TRIM5: variants seen among roughly 807,000 people sequenced by gnomAD.
The protein encoded by TRIM5 is tripartite motif-containing protein 5.
A neutral mutation model predicts 35.6 loss-of-function variants in TRIM5; 31 were observed. That is an observed-to-expected ratio of 0.87 (90% CI 0.65 to 1.18). The LOEUF is 1.18. Ranked by LOEUF, TRIM5 falls within the 50% of genes most tolerant of loss-of-function variation. The probability of loss-of-function intolerance (pLI) is 0.00; values close to 1 mark genes in which losing one functional copy is unlikely to be tolerated. For synonymous variants in TRIM5, 243 were observed against 215.6 expected (o/e 1.13, Z -1.11); for missense variants, 609 against 591.6 (o/e 1.03, Z -0.31).
the TRIM5 span, chr11:5,596,298 G>A: frequency 6.5e-6 from 1 of 154,444 alleles, no homozygotes; most frequent in African/African-American, 2.4e-5. Flanking sequence ...GAATGAGGGA[G>A]ACTTCTGCAT....
At chr11:5,610,775 A>C in the TRIM5 span, 6 of 1,613,772 alleles carry the variant, frequency 3.7e-6, no homozygotes, top group Non-Finnish European at 5.1e-6. Context: ...CTTTTCCTAC[A>C]GTTGACGTGA....
At chr11:5,604,741 A>G in the TRIM5 span, 1 of 1,174,606 alleles carries the variant, frequency 8.5e-7, no homozygotes, top group Non-Finnish European at 1.2e-6. Context: ...TGACTAGAAG[A>G]GCTTCCCTTT....
At chr11:5,636,306 G>C in the TRIM5 span, among the ~76,000 whole-genome samples, 1 of 152,170 alleles carries the variant, frequency 6.6e-6, no homozygotes, top group African/African-American at 2.4e-5. Context: ...TTATATGAAA[G>C]TCTGTAAGTA....
chr11:5,634,530 C>CACACACATATATATATATATATATAT, the TRIM5 span: 5 of 203,884 alleles, frequency 2.5e-5, no homozygotes, highest in African/African-American at 1.4e-4. Flanking sequence ...CACACACACA[C>CACACACATATATATATATATATATAT]ATATATATAT....
intron 4 of TRIM5, among the ~76,000 whole-genome samples, chr11:5,675,397 G>T (rs1851877281): frequency 6.6e-6 from 1 of 152,164 alleles, no homozygotes; most frequent in African/African-American, 2.4e-5. Flanking sequence ...TAGAGCCTGA[G>T]ACAAGGACCT....
the TRIM5 span, chr11:5,634,520 C>CATATATATATATATATATATAT: frequency 1.6e-6 from 1 of 636,238 alleles, no homozygotes; most frequent in Non-Finnish European, 2.4e-6. Flanking sequence ...CACACACACA[C>CATATATATATATATATATATAT]ACACACACAC....
chr11:5,622,983 G>A, the TRIM5 span, among the ~76,000 whole-genome samples: 4 of 152,196 alleles, frequency 2.6e-5, no homozygotes, highest in African/African-American at 9.6e-5. Flanking sequence ...TCCGGAAGGG[G>A]GTTTCCAGGT....
chr11:5,654,636 G>A, the TRIM5 span, among the ~76,000 whole-genome samples: 3 of 152,152 alleles, frequency 2.0e-5, no homozygotes, highest in African/African-American at 7.2e-5. Flanking sequence ...GTGAGTGTGG[G>A]TTTGTACCAA....
At chr11:5,610,819 T>C in the TRIM5 span, 1 of 1,614,072 alleles carries the variant, frequency 6.2e-7, no homozygotes, top group Non-Finnish European at 8.5e-7. Flanking sequence ...TTAAATCTTG[T>C]CCTGGCTAAA....
At chr11:5,601,698 C>T in the TRIM5 span, among the ~76,000 whole-genome samples, 2 of 152,132 alleles carry the variant, frequency 1.3e-5, no homozygotes, top group East Asian at 3.9e-4. Context: ...GCAGAGGTTG[C>T]AGTGAGCCGA....
At chr11:5,660,814 G>A (rs141356329), downstream of TRIM5, among the ~76,000 whole-genome samples, 338 of 151,782 alleles carry the variant, frequency 2.2e-3, no homozygotes, top group Middle Eastern at 0.01. Flanking sequence ...AGGCCGAGGC[G>A]GGCGGATCTT....
At chr11:5,609,750 A>G in the TRIM5 span, among the ~76,000 whole-genome samples, 5 of 152,046 alleles carry the variant, frequency 3.3e-5, no homozygotes, top group Admixed American at 6.6e-5. Flanking sequence ...ATGAAACCCT[A>G]TCTCTACTAA....
the TRIM5 span, chr11:5,596,906 G>A: frequency 6.2e-7 from 1 of 1,614,048 alleles, no homozygotes; most frequent in African/African-American, 1.3e-5. Context: ...AGATGTGCGG[G>A]TCAGAGAGGT....
the TRIM5 span, among the ~76,000 whole-genome samples, chr11:5,630,298 C>T: frequency 6.6e-6 from 1 of 151,942 alleles, no homozygotes; most frequent in Non-Finnish European, 1.5e-5. Flanking sequence ...ACCTTTTTTT[C>T]CCCCACATGT....
rs774003696 is a variant in TRIM5 at position 5,664,913 on chromosome 11, G to T, written c.1378C>A (p.Leu460Ile). 1.2e-6 allele frequency: 2 copies of T among 1,613,950 alleles called. No homozygotes were observed. Among genetic ancestry groups the T allele is most frequent in the Non-Finnish European group, 8.5e-7 (1 of 1,179,996 alleles). ...SFFNITNHGF[L>I]IYKFSHCSFS... ...GAACAGTGAGAAAACTTATAGATGAGAAATCCATGGTTTGTGATATTGAAG... is the reference window on the plus strand; with the variant it reads ...GAACAGTGAGAAAACTTATAGATGATAAATCCATGGTTTGTGATATTGAAG... Residue 460 changes from leucine to isoleucine, a missense_variant, in exon 8 of 8, where the codon CTC (leucine) becomes ATC (isoleucine). Transcript: ENST00000380034.
the TRIM5 span, chr11:5,610,327 A>C: frequency 3.9e-5 from 63 of 1,598,462 alleles, no homozygotes; most frequent in African/African-American, 6.1e-4. Flanking sequence ...TATAGTCGGT[A>C]TTTGAGCATA....
At chr11:5,672,531 C>T (rs1425417490) in intron 4 of TRIM5, among the ~76,000 whole-genome samples, 3 of 152,050 alleles carry the variant, frequency 2.0e-5, no homozygotes, top group African/African-American at 4.8e-5. Flanking sequence ...AATATTTCTT[C>T]CCAAAAATAG....
At chr11:5,646,632 C>A in the TRIM5 span, among the ~76,000 whole-genome samples, 2 of 152,138 alleles carry the variant, frequency 1.3e-5, no homozygotes, top group African/African-American at 2.4e-5. Flanking sequence ...CAAATTCTCA[C>A]CCCTAGGAAT....
the TRIM5 span, among the ~76,000 whole-genome samples, chr11:5,628,399 A>G: frequency 6.6e-6 from 1 of 152,246 alleles, no homozygotes; most frequent in African/African-American, 2.4e-5. Context: ...ACTAGTCATC[A>G]GATCCTGGTC....
Sources: allele counts gnomAD v4.1 joint callset (sites outside exome capture counted in the v4.1 genomes callset), GRCh38; gene constraint gnomAD v4.1.1; transcripts MANE v1.5; gene names NCBI Gene and HGNC (gene_info 2026-07-23, HGNC 2026-07-21).